FLT3LG: variants seen among roughly 807,000 people sequenced by gnomAD.
FLT3LG encodes the protein fms-related tyrosine kinase 3 ligand.
Under a neutral mutation model 30.9 loss-of-function variants are expected in FLT3LG, and 8 were observed. The ratio of observed to expected loss-of-function variants is 0.26; its 90% CI spans 0.15 to 0.47. FLT3LG has a LOEUF of 0.47. Among genes scored for constraint, FLT3LG ranks in the 20% least tolerant of loss-of-function variants. FLT3LG has a pLI of 0.99. For missense variants in FLT3LG, 278 were observed against 306.2 expected (o/e 0.91, Z 0.69); for synonymous variants, 123 against 135.9 (o/e 0.91, Z 0.66).
rs192023469 is a variant in FLT3LG, at chr19:49,484,130, G to A, written c.*22-1885G>A. ...GATCTCTTGACCTCGTGATCTGCCC[G>A]CCTCAGCCTCCCAAAGTGCTGGGAT... On this transcript the variant is annotated intron_variant, in intron 8 of 8. Coordinates refer to ENST00000597551, the MANE Select transcript of FLT3LG (RefSeq NM_001459.4). 8.1e-3 allele frequency among the ~76,000 whole-genome samples: 1,214 copies of A among 149,380 alleles called. 10 individuals are homozygous for A. Among genetic ancestry groups the A allele is most frequent in the Middle Eastern group, 0.011 (3 of 280 alleles).
chr19:49,486,132 A>G lies in FLT3LG; in HGVS notation c.*139A>G, dbSNP rs141749315. 2.5e-3 allele frequency: 389 copies of G among 152,648 alleles called. 1 individual carries two copies. Among genetic ancestry groups the G allele is most frequent in the African/African-American group, 8.9e-3 (371 of 41,524 alleles). 9.5% of individuals were successfully genotyped at this position (152,648 alleles called of 1,614,324 possible). A position where few individuals can be genotyped will look rare whatever the true frequency, so the allele number is the denominator to read the frequency against. On this transcript the variant is annotated 3_prime_UTR_variant, in exon 9 of 9. Coordinates refer to ENST00000597551, the MANE Select transcript of FLT3LG (RefSeq NM_001459.4). Reference sequence around the variant, plus strand: ...TGGGCCCCTCTCATTCCCTCCCCAGAATGGAGGCAACGCCAGAATCCAGCA... The same window carrying G: ...TGGGCCCCTCTCATTCCCTCCCCAGGATGGAGGCAACGCCAGAATCCAGCA...
chr19:49,477,875 G>A (rs1353712355), intron 5 of FLT3LG, among the ~76,000 whole-genome samples: 3 of 149,752 alleles, frequency 2.0e-5, no homozygotes, highest in Non-Finnish European at 1.5e-5. Context: ...GTGAAACCCC[G>A]TCTCTACTAA....
Position 49,475,695 on chromosome 19 carries a change from A to G in FLT3LG, c.38A>G (p.Tyr13Cys). The change falls in exon 3 of 9, where the codon TAT (tyrosine) becomes TGT (cysteine). Residue 13 changes from tyrosine (Y) to cysteine (C), a missense_variant. Tyr to Cys is a radical substitution (Grantham distance 194). This residue lies in a region of FLT3LG where 40 missense variants were observed against 34.3 expected (regional missense o/e 1.17). Coordinates refer to ENST00000597551, the MANE Select transcript of FLT3LG (RefSeq NM_001459.4). The stretch of plus-strand genomic sequence containing the variant: ...CCAGCACCCGCTCCCCTGCAGACCT[A>G]TCTCCTCCTGCTGCTGCTGCTGAGC... ...VLAPAWSPTT[Y>C]LLLLLLLSSG... The G allele has an allele frequency of 5.0e-6, 8 of 1,605,584 alleles. No individual in the cohort carries two copies. The highest frequency in any genetic ancestry group is 6.8e-6 in the Non-Finnish European group (8 of 1,179,662).
intron 5 of FLT3LG, among the ~76,000 whole-genome samples, chr19:49,477,200 G>A (rs944911025): frequency 6.6e-6 from 1 of 152,072 alleles, no homozygotes; most frequent in Non-Finnish European, 1.5e-5. Flanking sequence ...CAGCACTTTC[G>A]GAGGCCAAGG....
intron 6 of FLT3LG, 50 bp downstream of exon 6, chr19:49,479,097 GCTC>G (rs1568672071): frequency 7.7e-6 from 12 of 1,552,462 alleles, no homozygotes; most frequent in Non-Finnish European, 1.0e-5. Context: ...CCTCACGGCC[GCTC>G]CTCCTCTCTG....
At position 49,475,774 on chromosome 19, in the gene FLT3LG, C is replaced by T. The variant is rs141257448; in HGVS notation, c.117C>T (p.Ser39=). ...CCTTCCAACACAGCCCCATCTCCTCCGACTTCGCTGTCAAAATCCGTGAGC... is the reference window on the plus strand; with the variant it reads ...CCTTCCAACACAGCCCCATCTCCTCTGACTTCGCTGTCAAAATCCGTGAGC... ...DCSFQHSPIS[S]DFAVKIRELS... is the part of the protein sequence containing the mutation. Residue 39 remains serine, a synonymous_variant, in exon 3 of 9, where the codon TCC becomes TCT. Coordinates refer to ENST00000597551, the MANE Select transcript of FLT3LG (RefSeq NM_001459.4). The T allele has an allele frequency of 3.4e-3, 5,518 of 1,612,690 alleles. 17 individuals are homozygous for T. The highest frequency in any genetic ancestry group is 4.4e-3 in the Non-Finnish European group (5,178 of 1,179,900).
Position 49,480,298 on chromosome 19 carries a change from ACTC to A in FLT3LG, c.486_488del (p.Ser163del). 1 of 1,580,702 alleles carries A rather than the reference ACTC, an allele frequency of 6.3e-7. No individual in the cohort carries two copies. The highest frequency in any genetic ancestry group is 8.6e-7 in the Non-Finnish European group (1 of 1,159,058). On this transcript the variant is annotated inframe_deletion and splice_region_variant, in exon 7 of 9. Coordinates refer to ENST00000597551, the MANE Select transcript of FLT3LG (RefSeq NM_001459.4). ...CACCCAGCCTCCTCTTTCTCCCCAGACTCCTCAACCCTGCCACCCCCATGGAGT... is the reference window on the plus strand; with the variant it reads ...CACCCAGCCTCCTCTTTCTCCCCAGACTCAACCCTGCCACCCCCATGGAGT...
chr19:49,476,569 C>T lies in FLT3LG; in HGVS notation c.342+3C>T. 6.2e-7 allele frequency: 1 copy of T among 1,614,062 alleles called. No individual in the cohort carries two copies. Among genetic ancestry groups the T allele is most frequent in the South Asian group, 1.1e-5 (1 of 91,070 alleles). On this transcript the variant is annotated splice_donor_region_variant and intron_variant, in intron 5 of 8. Transcript: ENST00000597551. This position sits in a 1 kb window ranked among gnomAD's most constrained non-coding sequence, Gnocchi z 5.3. Reference sequence around the variant, plus strand: ...TTGTCACCAAATGTGCCTTTCAGGTCAGCCCTCAACTTAGGGGACAAGTGA... The same window carrying T: ...TTGTCACCAAATGTGCCTTTCAGGTTAGCCCTCAACTTAGGGGACAAGTGA...
intron 2 of FLT3LG, among the ~76,000 whole-genome samples, chr19:49,475,193 CAG>C (rs1303093849): frequency 1.2e-5 from 1 of 85,764 alleles, no homozygotes; most frequent in Non-Finnish European, 2.1e-5. Flanking sequence ...GGGAGACGGA[CAG>C]AGGAGAGGAA....
At position 49,479,602 on chromosome 19, in the gene FLT3LG, C is replaced by T. The variant is rs538776003; in HGVS notation, c.481+555C>T. ...CTGCAAGCTCTGCCTCCTGGGTTCA[C>T]GCCATTCTCTTGCCTCAGCCTCCCC... is the stretch of plus-strand genomic sequence containing the variant. On this transcript the variant is annotated intron_variant, in intron 6 of 8. Transcript: ENST00000597551. 48 of 160,732 alleles carry T rather than the reference C, an allele frequency of 3.0e-4. 1 individual carries two copies. Among genetic ancestry groups the T allele is most frequent in the South Asian group, 2.6e-3 (31 of 11,872 alleles). 10.0% of individuals were successfully genotyped at this position (160,732 alleles called of 1,614,324 possible). A position where few individuals can be genotyped will look rare whatever the true frequency, so the allele number is the denominator to read the frequency against.
At position 49,476,628 on chromosome 19, in the gene FLT3LG, A is replaced by G; in HGVS notation, c.342+62A>G. On this transcript the variant is annotated intron_variant, in intron 5 of 8. Transcript: ENST00000597551. This position sits in a 1 kb window ranked among gnomAD's most constrained non-coding sequence, Gnocchi z 5.3. ...AGATGCCTTCCTACGAATTAGAAGT[A>G]AAGCTCCACTAGGCCTTATTGGCGA... The G allele has an allele frequency of 6.2e-6, 10 of 1,607,714 alleles. 1 individual carries two copies. The South Asian group carries it at 1.1e-4, about 18-fold the overall frequency.
intron 2 of FLT3LG, among the ~76,000 whole-genome samples, chr19:49,474,887 T>TGGAC (rs1178294343): frequency 7.4e-5 from 4 of 53,906 alleles, no homozygotes; most frequent in Admixed American, 2.4e-4. Context: ...GAGGGGGAGA[T>TGGAC]AGAGGAGAGG....
rs971649135 is a variant in FLT3LG at position 49,476,320 on chromosome 19, C to T, written c.199-103C>T. ...AACCCAGGAATCAGAGTCCTCAGCC[C>T]CTCCTCCCTCAGACCCAGGAGCCCC... On this transcript the variant is annotated intron_variant, in intron 4 of 8. Transcript: ENST00000597551. The surrounding 1 kb of genome is among the most constrained non-coding windows in gnomAD (Gnocchi z 5.3). 19 of 1,462,642 alleles carry T rather than the reference C, an allele frequency of 1.3e-5. No homozygotes were observed. The African/African-American group carries it at 2.1e-4, about 16-fold the overall frequency. 90.6% of individuals were successfully genotyped at this position (1,462,642 alleles called of 1,614,324 possible). A position where few individuals can be genotyped will look rare whatever the true frequency, so the allele number is the denominator to read the frequency against.
At chr19:49,483,885 A>G (rs1245553556) in intron 8 of FLT3LG, among the ~76,000 whole-genome samples, 5 of 149,288 alleles carry the variant, frequency 3.3e-5, no homozygotes. Context: ...AAAAAAAAAA[A>G]AAAAAAAGAT....
intron 8 of FLT3LG, among the ~76,000 whole-genome samples, chr19:49,484,269 AAATTT>A (rs1305467824): frequency 6.8e-6 from 1 of 148,088 alleles, no homozygotes; most frequent in African/African-American, 2.5e-5. Flanking sequence ...TTCCTGTCTT[AAATTT>A]ATTTTTTATT....
Position 49,476,550 on chromosome 19 carries a change from C to A in FLT3LG, c.326C>A (p.Thr109Asn). The change falls in exon 5 of 9, where the codon ACC becomes AAC. Residue 109 changes from threonine to asparagine, a missense_variant. This residue lies in a region of FLT3LG where 68 missense variants were observed against 110.0 expected (regional missense o/e 0.62). Transcript: ENST00000597551. The surrounding 1 kb of genome is among the most constrained non-coding windows in gnomAD (Gnocchi z 5.3). Reference protein sequence around the residue: ...ERVNTEIHFVTKCAFQPPPSC... With the variant: ...ERVNTEIHFVNKCAFQPPPSC... Reference sequence around the variant, plus strand: ...GTGAACACGGAGATACACTTTGTCACCAAATGTGCCTTTCAGGTCAGCCCT... The same window carrying A: ...GTGAACACGGAGATACACTTTGTCAACAAATGTGCCTTTCAGGTCAGCCCT... 2.5e-6 allele frequency: 4 copies of A among 1,614,122 alleles called. No homozygotes were observed. Among genetic ancestry groups the A allele is most frequent in the Non-Finnish European group, 3.4e-6 (4 of 1,180,010 alleles).
Position 49,480,485 on chromosome 19 carries a change from G to A in FLT3LG, c.660+9G>A. On this transcript the variant is annotated intron_variant, in intron 7 of 8. Transcript: ENST00000597551. The stretch of plus-strand genomic sequence containing the variant: ...CCCGCCCTGGGGAGCAGGTGAGCAG[G>A]CTGGGAAGAGGGGGTGAGGGGGCCG... The A allele has an allele frequency of 6.3e-7, 1 of 1,591,136 alleles. No individual in the cohort carries two copies. The highest frequency in any genetic ancestry group is 8.6e-7 in the Non-Finnish European group (1 of 1,169,062).
intron 5 of FLT3LG, among the ~76,000 whole-genome samples, chr19:49,477,491 C>T (rs1054735286): frequency 6.6e-6 from 1 of 151,948 alleles, no homozygotes; most frequent in African/African-American, 2.4e-5. Context: ...GTAATCCCAG[C>T]ACTTTGGGAG....
intron 8 of FLT3LG, among the ~76,000 whole-genome samples, chr19:49,484,438 G>A (rs2079731064): frequency 6.6e-6 from 1 of 151,734 alleles, no homozygotes; most frequent in South Asian, 2.1e-4. Context: ...TGGATTACAA[G>A]CGCCTGCCAC....
Sources: allele counts gnomAD v4.1 joint callset (sites outside exome capture counted in the v4.1 genomes callset), GRCh38; gene constraint gnomAD v4.1.1; regional missense constraint gnomAD v4.1.1; non-coding constraint Gnocchi (gnomAD v3.1); transcripts MANE v1.5; gene names NCBI Gene and HGNC (gene_info 2026-07-23, HGNC 2026-07-21).